The following TNFRSF19 variants were observed in gnomAD, a reference collection of about 807,000 sequenced individuals.
The protein encoded by TNFRSF19 is TNF receptor superfamily member 19.
A neutral mutation model predicts 46.4 loss-of-function variants in TNFRSF19; 27 were observed. That is an observed-to-expected ratio of 0.58 (90% CI 0.43 to 0.80). TNFRSF19 has a LOEUF of 0.80. TNFRSF19 is among the 30% of genes least tolerant of loss of function. The probability of loss-of-function intolerance (pLI) is 0.00; values close to 1 mark genes in which losing one functional copy is unlikely to be tolerated. For missense variants in TNFRSF19, 511 were observed against 530.8 expected (o/e 0.96, Z 0.37); for synonymous variants, 204 against 205.0 (o/e 1.00, Z 0.04).
At chr13:23,649,358 T>C (rs908958393) in intron 5 of TNFRSF19, among the ~76,000 whole-genome samples, 2 of 152,198 alleles carry the variant, frequency 1.3e-5, no homozygotes, top group African/African-American at 4.8e-5. Flanking sequence ...GGCATATGAC[T>C]GTTTATAGTA....
At chr13:23,602,113 G>A (rs575335824) in intron 3 of TNFRSF19, among the ~76,000 whole-genome samples, 13 of 152,134 alleles carry the variant, frequency 8.5e-5, no homozygotes, top group Non-Finnish European at 1.9e-4. Context: ...CCAACTCTGT[G>A]GTCTACAAGA....
At chr13:23,643,922 T>G (rs1446272513) in intron 5 of TNFRSF19, among the ~76,000 whole-genome samples, 1 of 152,202 alleles carries the variant, frequency 6.6e-6, no homozygotes, top group Non-Finnish European at 1.5e-5. Context: ...CACAAGTTCA[T>G]ACAACAATCT....
Position 23,587,981 on chromosome 13 carries a change from T to C in TNFRSF19, c.-34-2169T>C, listed in dbSNP as rs534532087. ...GATGCCTCCTATTTGTCCGACGGATTACAGTCTTCAAGGACTGTCACATCC... is the reference window on the plus strand; with the variant it reads ...GATGCCTCCTATTTGTCCGACGGATCACAGTCTTCAAGGACTGTCACATCC... On this transcript the variant is annotated intron_variant, in intron 1 of 9. Transcript: ENST00000248484. Among the ~76,000 whole-genome samples, 25 of 152,318 alleles carry C rather than the reference T, an allele frequency of 1.6e-4. 1 individual carries two copies. The South Asian group carries it at 5.2e-3, about 32-fold the overall frequency.
At chr13:23,584,437 C>CAT (rs890858233) in intron 1 of TNFRSF19, among the ~76,000 whole-genome samples, 12 of 151,940 alleles carry the variant, frequency 7.9e-5, no homozygotes, top group African/African-American at 9.7e-5. Context: ...AGTATTCCAT[C>CAT]ATATATATAT....
Position 23,673,568 on chromosome 13 carries a change from C to T in TNFRSF19, c.*188C>T, listed in dbSNP as rs962132656. ...AGCCAGACCAGCTGTAAGCTGAAACCTCAATGAATAACAAGAAAAGACTCC... is the reference window on the plus strand; with the variant it reads ...AGCCAGACCAGCTGTAAGCTGAAACTTCAATGAATAACAAGAAAAGACTCC... On this transcript the variant is annotated 3_prime_UTR_variant, in exon 10 of 10. Coordinates refer to ENST00000248484, the MANE Select transcript of TNFRSF19 (RefSeq NM_148957.4). 7.9e-7 allele frequency: 1 copy of T among 1,262,410 alleles called. No homozygotes were observed. Among genetic ancestry groups the T allele is most frequent in the African/African-American group, 1.5e-5 (1 of 65,128 alleles). The allele number at this position is 1,262,410 out of a possible 1,614,324, so 78.2% of individuals were successfully genotyped here.
At chr13:23,630,325 G>A (rs1227521890) in intron 5 of TNFRSF19, among the ~76,000 whole-genome samples, 10 of 123,592 alleles carry the variant, frequency 8.1e-5, no homozygotes, top group Admixed American at 4.7e-4. Context: ...AAAAAAAAAA[G>A]GGTAAAAAAG....
At position 23,617,474 on chromosome 13, in the gene TNFRSF19, G is replaced by T. The variant is rs575708159; in HGVS notation, c.359+1429G>T. 2.6e-5 allele frequency among the ~76,000 whole-genome samples: 4 copies of T among 152,258 alleles called. No individual in the cohort carries two copies. In the South Asian group the frequency reaches 8.3e-4, roughly 32 times the overall value. On this transcript the variant is annotated intron_variant, in intron 4 of 9. Coordinates refer to ENST00000248484, the MANE Select transcript of TNFRSF19 (RefSeq NM_148957.4). The stretch of plus-strand genomic sequence containing the variant: ...TGGATGAAGAGCCAGGGTGACAAGG[G>T]GGGTGATCTGTAAGGCAGGGAGAAG...
chr13:23,655,886 T>A (rs1056359007), intron 5 of TNFRSF19, among the ~76,000 whole-genome samples: 5 of 152,182 alleles, frequency 3.3e-5, no homozygotes, highest in Admixed American at 1.3e-4. Context: ...TCAAATGATA[T>A]TCAGTTCAAT....
In TNFRSF19 at chr13:23,593,545, T is replaced by G. The variant is rs2138189441; in HGVS notation, c.180+90T>G. 3 of 872,346 alleles carry G rather than the reference T, an allele frequency of 3.4e-6. No individual in the cohort carries two copies. The African/African-American group carries it at 5.2e-5, about 15-fold the overall frequency. 54.0% of individuals were successfully genotyped at this position (872,346 alleles called of 1,614,324 possible). ...TCTTTGAGTTAATTATTAATGAAAC[T>G]TTGGATACCATGACAGAATTATTGG... On this transcript the variant is annotated intron_variant, in intron 3 of 9. Transcript: ENST00000248484.
intron 3 of TNFRSF19, 45 bp downstream of exon 3, chr13:23,593,500 T>C: frequency 2.3e-6 from 3 of 1,285,656 alleles, no homozygotes; most frequent in Non-Finnish European, 3.3e-6. Context: ...GTTTGTAAAA[T>C]GCATTCGTCT....
chr13:23,592,980 A>G (rs1879424070), intron 2 of TNFRSF19, among the ~76,000 whole-genome samples: 2 of 113,786 alleles, frequency 1.8e-5, no homozygotes, highest in South Asian at 2.9e-4. Context: ...AAAGAAAGTC[A>G]TAACTGTTTT....
In TNFRSF19 at chr13:23,596,377, G is replaced by A. The variant is rs144439341; in HGVS notation, c.180+2922G>A. 8.4e-3 allele frequency among the ~76,000 whole-genome samples: 1,277 copies of A among 152,234 alleles called. 28 individuals carry two copies. The highest frequency in any genetic ancestry group is 0.077 in the East Asian group (397 of 5,180). The stretch of plus-strand genomic sequence containing the variant: ...CATCTCACGTGCAAAGACACACATA[G>A]GCTCAAAATAAAGGGATGGAGGAAT... On this transcript the variant is annotated intron_variant, in intron 3 of 9. Transcript: ENST00000248484.
At chr13:23,666,408 T>C (rs944993099) in intron 7 of TNFRSF19, among the ~76,000 whole-genome samples, 2 of 152,246 alleles carry the variant, frequency 1.3e-5, no homozygotes, top group African/African-American at 4.8e-5. Flanking sequence ...GGAGGAACTT[T>C]CGTTCTCCAT....
intron 5 of TNFRSF19, among the ~76,000 whole-genome samples, chr13:23,646,273 G>A (rs1431076446): frequency 6.6e-6 from 1 of 151,986 alleles, no homozygotes; most frequent in East Asian, 1.9e-4. Context: ...TTTTAATTGT[G>A]GGAAAACATA....
At chr13:23,616,868 C>T (rs1272858946) in intron 4 of TNFRSF19, among the ~76,000 whole-genome samples, 2 of 152,178 alleles carry the variant, frequency 1.3e-5, no homozygotes, top group African/African-American at 2.4e-5. Flanking sequence ...TGTGAGCCAC[C>T]ATGCCCGGCT....
chr13:23,615,559 AGAG>A lies in TNFRSF19; in HGVS notation c.181-304_181-302del, dbSNP rs1473589070. Among the ~76,000 whole-genome samples the A allele has an allele frequency of 7.2e-5, 11 of 152,232 alleles. No homozygotes were observed. The South Asian group carries it at 1.7e-3, about 23-fold the overall frequency. ...GAGCATGCACATGACTGGCTTAATT[AGAG>A]GAGAAGAAGTGCCATAATTCTGCCA... On this transcript the variant is annotated intron_variant, in intron 3 of 9. Coordinates refer to ENST00000248484, the MANE Select transcript of TNFRSF19 (RefSeq NM_148957.4).
At chr13:23,580,149 T>A (rs1878307434) in intron 1 of TNFRSF19, among the ~76,000 whole-genome samples, 1 of 152,176 alleles carries the variant, frequency 6.6e-6, no homozygotes, top group South Asian at 2.1e-4. Flanking sequence ...GGGACAGAAA[T>A]TTGGCTAATA....
rs145209736 is a variant in TNFRSF19, at chr13:23,593,361, G to T, written c.86G>T (p.Cys29Phe). 4 of 1,571,628 alleles carry T rather than the reference G, an allele frequency of 2.5e-6. No individual in the cohort carries two copies. Among genetic ancestry groups the T allele is most frequent in the Non-Finnish European group, 3.4e-6 (4 of 1,167,300 alleles). Residue 29 changes from cysteine (C) to phenylalanine (F), a missense_variant, in exon 3 of 10, where the codon TGT becomes TTT. By Grantham distance (205) the Cys-to-Phe change is radical. Transcript: ENST00000248484. The stretch of plus-strand genomic sequence containing the variant: ...TTTTTTCAGTCATGTAAAGTGACTT[G>T]TGAATCAGGAGACTGTAGACAGCAA... The part of the protein sequence containing the change: ...LLGYLSCKVT[C>F]ESGDCRQQEF...
At chr13:23,638,228 C>G (rs1010335529) in intron 5 of TNFRSF19, among the ~76,000 whole-genome samples, 4 of 88,536 alleles carry the variant, frequency 4.5e-5, no homozygotes, top group Non-Finnish European at 1.2e-4. Context: ...CCTTTACTCT[C>G]TCATGTTTGT....
Sources: gnomAD v4.1 joint callset for allele counts (sites outside exome capture counted in the v4.1 genomes callset) on GRCh38, gnomAD v4.1.1 for gene constraint, MANE v1.5 for transcripts, NCBI Gene and HGNC (gene_info 2026-07-23, HGNC 2026-07-21) for gene names.